The following ST6GALNAC3 variants were observed in gnomAD, a reference collection of about 807,000 sequenced individuals.
The protein encoded by ST6GALNAC3 is alpha-N-acetylgalactosaminide alpha-2,6-sialyltransferase 3.
ST6GALNAC3 carries 25 observed loss-of-function variants against 32.7 expected under a neutral mutation model. The observed-to-expected ratio is 0.76, with a 90% CI of 0.56 to 1.07. The LOEUF (loss-of-function observed/expected upper bound fraction) is 1.07, where lower values mean the gene tolerates loss of function less well. Ranked by LOEUF, ST6GALNAC3 falls within the 50% of genes least tolerant of loss-of-function variation. ST6GALNAC3 has a pLI of 0.00. For missense variants in ST6GALNAC3, 355 were observed against 382.4 expected (o/e 0.93, Z 0.60); for synonymous variants, 129 against 133.1 (o/e 0.97, Z 0.21).
At chr1:76,538,618 AC>A (rs1428822488) in intron 3 of ST6GALNAC3, among the ~76,000 whole-genome samples, 1 of 152,130 alleles carries the variant, frequency 6.6e-6, no homozygotes, top group East Asian at 1.9e-4. Flanking sequence ...TATTTAGAAA[AC>A]CCCATCATAT....
At chr1:76,296,887 G>T (rs777335984) in intron 1 of ST6GALNAC3, among the ~76,000 whole-genome samples, 8 of 151,986 alleles carry the variant, frequency 5.3e-5, no homozygotes, top group Non-Finnish European at 1.2e-4. Flanking sequence ...CTTGTATGGT[G>T]CAGTTGCCCC....
Position 76,283,606 on chromosome 1 carries a change from C to T in ST6GALNAC3, c.19-30199C>T, listed in dbSNP as rs547503947. ...TTCTCCATGTCTTGCCTCTTTTGAT[C>T]TCTTGCCTAAGTTTTGTTTTGAAAG... On this transcript the variant is annotated intron_variant, in intron 1 of 4. Coordinates refer to ENST00000328299, the MANE Select transcript of ST6GALNAC3 (RefSeq NM_152996.4). 2.0e-5 allele frequency among the ~76,000 whole-genome samples: 3 copies of T among 152,280 alleles called. No individual in the cohort carries two copies. In the East Asian group the frequency reaches 5.8e-4, roughly 29 times the overall value.
At chr1:76,489,985 C>T (rs920121069) in intron 3 of ST6GALNAC3, among the ~76,000 whole-genome samples, 5 of 152,196 alleles carry the variant, frequency 3.3e-5, no homozygotes, top group African/African-American at 1.2e-4. Flanking sequence ...ATCTTCCAGA[C>T]AGACTTTCAG....
intron 3 of ST6GALNAC3, among the ~76,000 whole-genome samples, chr1:76,524,352 A>G (rs971401024): frequency 1.3e-5 from 2 of 152,098 alleles, no homozygotes; most frequent in African/African-American, 4.8e-5. Flanking sequence ...GGCATTTTGA[A>G]CCTTCTGCCT....
intron 3 of ST6GALNAC3, among the ~76,000 whole-genome samples, chr1:76,606,071 T>C (rs1168154895): frequency 6.6e-6 from 1 of 151,898 alleles, no homozygotes; most frequent in East Asian, 1.9e-4. Flanking sequence ...AAACAACAGA[T>C]GCTAGTGAGG....
At position 76,497,090 on chromosome 1, in the gene ST6GALNAC3, G is replaced by A. The variant is rs137949935; in HGVS notation, c.623+84673G>A. ...AGGTGCCAGATGGCCTGCTTTCTTCGGGAGAGCTGGTCATGAGTATTAATA... is the reference window on the plus strand; with the variant it reads ...AGGTGCCAGATGGCCTGCTTTCTTCAGGAGAGCTGGTCATGAGTATTAATA... On this transcript the variant is annotated intron_variant, in intron 3 of 4. Coordinates refer to ENST00000328299, the MANE Select transcript of ST6GALNAC3 (RefSeq NM_152996.4). 2.5e-3 allele frequency among the ~76,000 whole-genome samples: 381 copies of A among 152,218 alleles called. 1 individual carries two copies. Among genetic ancestry groups the A allele is most frequent in the South Asian group, 0.018 (87 of 4,824 alleles).
chr1:76,287,943 C>T (rs533897574), intron 1 of ST6GALNAC3, among the ~76,000 whole-genome samples: 1 of 152,148 alleles, frequency 6.6e-6, no homozygotes, highest in Non-Finnish European at 1.5e-5. Flanking sequence ...GTCCAAGGTC[C>T]TAGAGTTTGT....
chr1:76,163,696 A>G (rs868581361), intron 1 of ST6GALNAC3, among the ~76,000 whole-genome samples: 2 of 152,250 alleles, frequency 1.3e-5, no homozygotes, highest in South Asian at 4.1e-4. Context: ...AAATTCAGTG[A>G]CATTTTAGGT....
intron 1 of ST6GALNAC3, among the ~76,000 whole-genome samples, chr1:76,287,697 C>T (rs1659863972): frequency 1.3e-5 from 2 of 152,160 alleles, no homozygotes; most frequent in African/African-American, 4.8e-5. Flanking sequence ...GAAATGTGCA[C>T]ACTGATACCC....
intron 3 of ST6GALNAC3, among the ~76,000 whole-genome samples, chr1:76,592,196 A>C (rs315042): frequency 0.079 from 11,967 of 152,182 alleles, 921 homozygotes; most frequent in East Asian, 0.23. Flanking sequence ...GTGGGAGAAA[A>C]GACTTAAGCC....
At chr1:76,492,588 G>A (rs1312081861) in intron 3 of ST6GALNAC3, among the ~76,000 whole-genome samples, 2 of 151,966 alleles carry the variant, frequency 1.3e-5, no homozygotes, top group Non-Finnish European at 1.5e-5. Flanking sequence ...CAAACCACCC[G>A]CCAACCCCCA....
intron 2 of ST6GALNAC3, among the ~76,000 whole-genome samples, chr1:76,362,376 C>T (rs1006059040): frequency 1.3e-5 from 2 of 152,138 alleles, no homozygotes; most frequent in African/African-American, 4.8e-5. Flanking sequence ...TTGGTAGGGA[C>T]GTAGATCCAA....
chr1:76,180,747 G>T (rs1486373871), intron 1 of ST6GALNAC3, among the ~76,000 whole-genome samples: 1 of 152,114 alleles, frequency 6.6e-6, no homozygotes. Context: ...GTGCTGGATG[G>T]CCAAACTCCA....
chr1:76,577,304 C>G (rs1646827135), intron 3 of ST6GALNAC3: 1 of 987,446 alleles, frequency 1.0e-6, no homozygotes, highest in Admixed American at 6.0e-5. Context: ...AAAGGCCATG[C>G]TAGATTTCCC....
intron 1 of ST6GALNAC3, among the ~76,000 whole-genome samples, chr1:76,290,999 T>C (rs1330379024): frequency 6.6e-6 from 1 of 152,092 alleles, no homozygotes; most frequent in African/African-American, 2.4e-5. Flanking sequence ...AACTGAGAAA[T>C]GTCAGGAGGA....
chr1:76,480,372 A>G (rs529099144), intron 3 of ST6GALNAC3, among the ~76,000 whole-genome samples: 122 of 152,216 alleles, frequency 8.0e-4, no homozygotes, highest in Non-Finnish European at 1.3e-3. Context: ...GATTGGACAT[A>G]AACCTTATAC....
intron 1 of ST6GALNAC3, among the ~76,000 whole-genome samples, chr1:76,285,016 A>G (rs1303622925): frequency 2.0e-5 from 3 of 152,268 alleles, no homozygotes; most frequent in South Asian, 2.1e-4. Flanking sequence ...TCTCAGCTTA[A>G]GAGAGGTAGG....
chr1:76,246,634 G>A (rs1215638181), intron 1 of ST6GALNAC3, among the ~76,000 whole-genome samples: 3 of 152,136 alleles, frequency 2.0e-5, no homozygotes, highest in Non-Finnish European at 4.4e-5. Flanking sequence ...AAGTTCTCAT[G>A]CTGTGTTTTT....
At chr1:76,140,142 TGTCTCTAC>T (rs1413970551) in intron 1 of ST6GALNAC3, among the ~76,000 whole-genome samples, 3 of 152,216 alleles carry the variant, frequency 2.0e-5, no homozygotes, top group African/African-American at 7.2e-5. Flanking sequence ...TTCCTCTGCC[TGTCTCTAC>T]TCTCAGCTCT....
Sources: allele counts gnomAD v4.1 joint callset (sites outside exome capture counted in the v4.1 genomes callset), GRCh38; gene constraint gnomAD v4.1.1; transcripts MANE v1.5; gene names NCBI Gene and HGNC (gene_info 2026-07-23, HGNC 2026-07-21).